The following FYCO1 variants were observed in gnomAD, a reference collection of about 807,000 sequenced individuals.
FYCO1 encodes the protein FYVE and coiled-coil domain-containing protein 1.
A neutral mutation model predicts 165.1 loss-of-function variants in FYCO1; 122 were observed. The ratio of observed to expected loss-of-function variants is 0.74; its 90% CI spans 0.64 to 0.86. The LOEUF (loss-of-function observed/expected upper bound fraction) is 0.86. Among genes scored for constraint, FYCO1 ranks in the 40% least tolerant of loss-of-function variants. The probability of loss-of-function intolerance (pLI) is 0.00; values close to 1 mark genes in which losing one functional copy is unlikely to be tolerated. For missense variants in FYCO1, 1,702 were observed against 1,810.3 expected (o/e 0.94, Z 1.09); for synonymous variants, 648 against 742.5 (o/e 0.87, Z 2.07).
chr3:45,930,869 T>C (rs1399573255), intron 16 of FYCO1, among the ~76,000 whole-genome samples: 10 of 152,250 alleles, frequency 6.6e-5, no homozygotes, highest in Admixed American at 6.5e-4. Context: ...TGAGAACAGC[T>C]TTCCAGAACT....
intron 7 of FYCO1, 105 bp downstream of exon 7, chr3:45,969,570 G>A: frequency 1.2e-6 from 1 of 859,922 alleles, no homozygotes; most frequent in South Asian, 1.4e-5. Context: ...TATTGCTCTG[G>A]CTGGAACAAC....
intron 14 of FYCO1, among the ~76,000 whole-genome samples, chr3:45,943,309 T>C (rs375415933): frequency 4.6e-5 from 7 of 151,458 alleles, no homozygotes; most frequent in South Asian, 4.2e-4. Flanking sequence ...ATGAAGGGAG[T>C]GTGGGGTATC....
At chr3:45,932,379 C>G (rs558276573) in intron 15 of FYCO1, among the ~76,000 whole-genome samples, 9 of 152,364 alleles carry the variant, frequency 5.9e-5, no homozygotes, top group Admixed American at 1.3e-4. Context: ...CTGTGCTCAA[C>G]AATTTTGCAT....
rs746505246 is a variant in FYCO1, at chr3:45,946,790, G to C, written c.3944+8459C>G. 3.1e-6 allele frequency: 5 copies of C among 1,614,174 alleles called. No homozygotes were observed. The East Asian group carries it at 1.1e-4, about 36-fold the overall frequency. ...GGGTGTTTGGCCAGGTCATGTGCAA[G>C]AGCCTACTGGGCATCTACACTATTA... On this transcript the variant is annotated intron_variant, in intron 14 of 17. Transcript: ENST00000296137.
At chr3:45,965,188 C>A in intron 8 of FYCO1, 63 bp from the exon 9 acceptor site, 2 of 1,260,060 alleles carry the variant, frequency 1.6e-6, no homozygotes, top group Admixed American at 1.7e-5. Context: ...GATCCCTCAG[C>A]CCCCTCACCC....
At chr3:45,942,017 C>T (rs1266518125) in intron 14 of FYCO1, among the ~76,000 whole-genome samples, 7 of 152,356 alleles carry the variant, frequency 4.6e-5, no homozygotes, top group South Asian at 4.1e-4. Context: ...ATCTGTCCAT[C>T]GGTATGTAGT....
At chr3:45,966,208 T>C in intron 8 of FYCO1, 69 bp downstream of exon 8, 1 of 1,527,634 alleles carries the variant, frequency 6.5e-7, no homozygotes, top group Admixed American at 1.7e-5. Context: ...TAAAGGTGCA[T>C]CTTCCCATGG....
rs1050624409 is a variant in FYCO1, at chr3:45,959,419, G to A, written c.3561C>T (p.Ser1187=). ...NHCLDCKREF[S]WMVRRHHCRI... ...TGCAGTGGTGCCGCCGCACCATCCA[G>A]CTGAACTCCCGCTTACAGTCGAGGC... is the stretch of plus-strand genomic sequence containing the variant. The change falls in exon 12 of 18, where the codon AGC becomes AGT. Residue 1187 remains serine (S), a synonymous_variant. Coordinates refer to ENST00000296137, the MANE Select transcript of FYCO1 (RefSeq NM_024513.4). The A allele has an allele frequency of 6.8e-6, 11 of 1,613,910 alleles. No individual in the cohort carries two copies. The African/African-American group carries it at 1.5e-4, about 22-fold the overall frequency.
In FYCO1 at chr3:45,964,970, A is replaced by G. The variant is rs895163638; in HGVS notation, c.3150+63T>C. On this transcript the variant is annotated intron_variant, in intron 9 of 17. Coordinates refer to ENST00000296137, the MANE Select transcript of FYCO1 (RefSeq NM_024513.4). This position sits in a 1 kb window ranked among gnomAD's most constrained non-coding sequence, Gnocchi z 4.1. ...GGAGGCATGCAGGGAGCCCTCTTAA[A>G]TGGTCCAGTCAAAACCACACCAGAT... The G allele has an allele frequency of 3.0e-6, 4 of 1,340,942 alleles. No homozygotes were observed. In the African/African-American group the frequency reaches 5.8e-5, roughly 19 times the overall value. 83.1% of individuals were successfully genotyped at this position (1,340,942 alleles called of 1,614,324 possible).
rs1313647125 is a variant in FYCO1 at position 45,966,615 on chromosome 3, C to T, written c.2719G>A (p.Glu907Lys). ...AGTGCGCAAACCTGGATGCCCAGCT[C>T]AGCTGTGTCTGTGTTGGCCCGGTGC... Reference protein sequence around the residue: ...QLHRANTDTAELGIQVCALTV... With the variant: ...QLHRANTDTAKLGIQVCALTV... Residue 907 changes from glutamate (E) to lysine (K), a missense_variant, in exon 8 of 18, where the codon GAG (glutamate) becomes AAG (lysine). By Grantham distance (56) the Glu-to-Lys change is moderately conservative. Coordinates refer to ENST00000296137, the MANE Select transcript of FYCO1 (RefSeq NM_024513.4). 2 of 1,614,082 alleles carry T rather than the reference C, an allele frequency of 1.2e-6. No homozygotes were observed. The highest frequency in any genetic ancestry group is 1.3e-5 in the African/African-American group (1 of 74,956).
At chr3:45,925,337 G>A (rs999004164) in intron 16 of FYCO1, among the ~76,000 whole-genome samples, 1 of 151,900 alleles carries the variant, frequency 6.6e-6, no homozygotes, top group African/African-American at 2.4e-5. Flanking sequence ...TGGTTATATG[G>A]ACCAGAAGGT....
In FYCO1 at chr3:45,934,140, A is replaced by G. The variant is rs150956160; in HGVS notation, c.4040+2308T>C. On this transcript the variant is annotated intron_variant, in intron 15 of 17. Coordinates refer to ENST00000296137, the MANE Select transcript of FYCO1 (RefSeq NM_024513.4). Reference sequence around the variant, plus strand: ...AAGGAAAAAGAACAGAGCCTGAGGAATCTACAAGGCAAGGACAAAAGATCT... The same window carrying G: ...AAGGAAAAAGAACAGAGCCTGAGGAGTCTACAAGGCAAGGACAAAAGATCT... 5.1e-4 allele frequency among the ~76,000 whole-genome samples: 78 copies of G among 152,358 alleles called. No individual in the cohort carries two copies. In the Middle Eastern group the frequency reaches 0.01, roughly 20 times the overall value.
At position 45,951,548 on chromosome 3, in the gene FYCO1, C is replaced by T. The variant is rs907568783; in HGVS notation, c.3944+3701G>A. 3.9e-5 allele frequency among the ~76,000 whole-genome samples: 6 copies of T among 152,218 alleles called. 1 individual carries two copies. The highest frequency in any genetic ancestry group is 2.0e-4 in the Admixed American group (3 of 15,284). The stretch of plus-strand genomic sequence containing the variant: ...CCAGTGCCCCTGCCAGCCCTTACTC[C>T]ACAGGCCTGGTTCACCAGCTGCCAA... On this transcript the variant is annotated intron_variant, in intron 14 of 17. Transcript: ENST00000296137.
At chr3:45,945,160 T>G (rs574769311) in intron 14 of FYCO1, 1 of 152,262 alleles carries the variant, frequency 6.6e-6, no homozygotes, top group South Asian at 2.1e-4. Flanking sequence ...GCGACAGAAG[T>G]GTTTCTGAGT....
intron 3 of FYCO1, among the ~76,000 whole-genome samples, chr3:45,980,951 G>A (rs1427000166): frequency 1.3e-5 from 2 of 152,092 alleles, no homozygotes; most frequent in African/African-American, 4.8e-5. Flanking sequence ...CACTTTTTGG[G>A]CTAAGCAGGG....
In FYCO1 at chr3:45,995,743, G is replaced by T. The variant is rs554451104; in HGVS notation, c.-134C>A. On this transcript the variant is annotated 5_prime_UTR_variant, in exon 1 of 18. Transcript: ENST00000296137. ...TTACGCGCTCGTGGGTCCACCGCCGGGCAGAACCGAAACTTTCTGGGGCCA... is the reference window on the plus strand; with the variant it reads ...TTACGCGCTCGTGGGTCCACCGCCGTGCAGAACCGAAACTTTCTGGGGCCA... The T allele has an allele frequency of 6.6e-6, 1 of 151,936 alleles. No individual in the cohort carries two copies. Among genetic ancestry groups the T allele is most frequent in the South Asian group, 2.1e-4 (1 of 4,836 alleles). The allele number at this position is 151,936 out of a possible 1,614,324, so 9.4% of individuals were successfully genotyped here.
At chr3:45,981,427 G>A in intron 3 of FYCO1, 143 bp downstream of exon 3, 1 of 692,942 alleles carries the variant, frequency 1.4e-6, no homozygotes, top group Admixed American at 2.0e-5. Flanking sequence ...CTGGCACTGG[G>A]GACTGCTCTG....
intron 6 of FYCO1, among the ~76,000 whole-genome samples, 181 bp downstream of exon 6, chr3:45,972,907 C>A (rs1369234904): frequency 6.6e-6 from 1 of 152,180 alleles, no homozygotes; most frequent in African/African-American, 2.4e-5. Flanking sequence ...AAGGTTGGAG[C>A]CTTCAGATGT....
chr3:45,969,676 T>C lies in FYCO1; in HGVS notation c.629A>G (p.Gln210Arg). ...SMSSLVSSYL[Q>R]TQEMVSNFDL... is the part of the protein sequence containing the mutation. Reference sequence around the variant, plus strand: ...AATTCCCAGCCTTCCTGGCCTTACCTGCAGGTAGCTGCTCACCAAGCTGCT... The same window carrying C: ...AATTCCCAGCCTTCCTGGCCTTACCCGCAGGTAGCTGCTCACCAAGCTGCT... The change falls in exon 7 of 18, where the codon CAG becomes CGG. Residue 210 changes from glutamine (Q) to arginine (R), a missense_variant and splice_region_variant. Coordinates refer to ENST00000296137, the MANE Select transcript of FYCO1 (RefSeq NM_024513.4). 2 of 1,613,338 alleles carry C rather than the reference T, an allele frequency of 1.2e-6. No individual in the cohort carries two copies.
Sources: allele counts gnomAD v4.1 joint callset (sites outside exome capture counted in the v4.1 genomes callset), GRCh38; gene constraint gnomAD v4.1.1; non-coding constraint Gnocchi (gnomAD v3.1); transcripts MANE v1.5; gene names NCBI Gene and HGNC (gene_info 2026-07-23, HGNC 2026-07-21).